PIEZO2: variants seen among roughly 807,000 people sequenced by gnomAD.
PIEZO2 encodes the protein piezo type mechanosensitive ion channel component 2.
Under a neutral mutation model 337.3 loss-of-function variants are expected in PIEZO2, and 172 were observed. That is an observed-to-expected ratio of 0.51 (90% CI 0.45 to 0.58). PIEZO2 has a LOEUF of 0.58. Among genes scored for constraint, PIEZO2 ranks in the 20% least tolerant of loss-of-function variants. The pLI, the probability that PIEZO2 is intolerant of heterozygous loss-of-function variation, is 0.00. For missense variants in PIEZO2, 3,028 were observed against 3,391.3 expected, an observed-to-expected ratio of 0.89 and a Z score of 2.66; for synonymous variants, 1,251 against 1,228.5, an observed-to-expected ratio of 1.02 and a Z score of -0.38.
At chr18:10,812,827 C>T (rs1318551449) in intron 7 of PIEZO2, among the ~76,000 whole-genome samples, 2 of 152,162 alleles carry the variant, frequency 1.3e-5, no homozygotes, top group African/African-American at 4.8e-5. Context: ...AAAACCTCCA[C>T]CTGTTTTCAG....
intron 7 of PIEZO2, among the ~76,000 whole-genome samples, chr18:10,817,936 A>G (rs1004143498): frequency 6.6e-6 from 1 of 152,046 alleles, no homozygotes; most frequent in African/African-American, 2.4e-5. Context: ...AAAAAAAAAA[A>G]AAGTAGGACT....
intron 1 of PIEZO2, among the ~76,000 whole-genome samples, chr18:11,091,567 A>G (rs9966859): frequency 0.99 from 150,771 of 152,292 alleles, 74,635 homozygotes; most frequent in East Asian, 1. Flanking sequence ...AAGTGATTGA[A>G]CAAAACGTCA....
intron 3 of PIEZO2, among the ~76,000 whole-genome samples, chr18:10,976,862 A>G (rs1309203074): frequency 6.6e-6 from 1 of 152,134 alleles, no homozygotes; most frequent in Non-Finnish European, 1.5e-5. Flanking sequence ...AGCTGTGACT[A>G]CACTTGAGAT....
intron 5 of PIEZO2, among the ~76,000 whole-genome samples, chr18:10,857,715 C>G (rs555229422): frequency 6.6e-6 from 1 of 152,264 alleles, no homozygotes; most frequent in South Asian, 2.1e-4. Flanking sequence ...TGAGTGGTCC[C>G]GGGCTTCTCT....
At chr18:10,701,906 G>T in intron 43 of PIEZO2, 83 bp downstream of exon 43, 1 of 1,249,126 alleles carries the variant, frequency 8.0e-7, no homozygotes, top group Non-Finnish European at 1.1e-6. Context: ...CAATCCTGAT[G>T]TCCAGGTTAT....
At chr18:11,067,557 T>C (rs1483126) in intron 1 of PIEZO2, among the ~76,000 whole-genome samples, 69,059 of 152,046 alleles carry the variant, frequency 0.45, 18,683 homozygotes, top group East Asian at 0.96. Flanking sequence ...AGATATTCTA[T>C]GCAAATCAAA....
chr18:10,987,555 C>A (rs909549013), intron 2 of PIEZO2, among the ~76,000 whole-genome samples: 2 of 151,720 alleles, frequency 1.3e-5, no homozygotes, highest in African/African-American at 4.9e-5. Context: ...ATACAAAAAT[C>A]AACTCAAAAT....
In PIEZO2 at chr18:10,859,723, C is replaced by A. The variant is rs2041823275; in HGVS notation, c.493-2512G>T. Among the ~76,000 whole-genome samples the A allele has an allele frequency of 6.6e-6, 1 of 152,226 alleles. No homozygotes were observed. ...GTAAAAATGCTTCCCTACCTAATTT[C>A]TCTTGAACCTACTCAAATCAGACTT... On this transcript the variant is annotated intron_variant, in intron 5 of 55. Transcript: ENST00000674853. This position sits in a 1 kb window ranked among gnomAD's most constrained non-coding sequence, Gnocchi z 4.9.
intron 13 of PIEZO2, among the ~76,000 whole-genome samples, chr18:10,792,688 G>C (rs1249066194): frequency 1.3e-5 from 2 of 152,078 alleles, no homozygotes; most frequent in African/African-American, 4.8e-5. Context: ...ATAGGCATTT[G>C]GATCATTTCT....
rs541064765 is a variant in PIEZO2, at chr18:11,016,818, C to T, written c.161-37158G>A. Among the ~76,000 whole-genome samples the T allele has an allele frequency of 6.6e-6, 1 of 152,240 alleles. No homozygotes were observed. Among genetic ancestry groups the T allele is most frequent in the East Asian group, 1.9e-4 (1 of 5,178 alleles). On this transcript the variant is annotated intron_variant, in intron 2 of 55. Transcript: ENST00000674853. This position sits in a 1 kb window ranked among gnomAD's most constrained non-coding sequence, Gnocchi z 5.6. Reference sequence around the variant, plus strand: ...TATTTAGATTTTTCTTCTTAATGCTCTTGTTGGAAAAACTCCATCCTTTTG... The same window carrying T: ...TATTTAGATTTTTCTTCTTAATGCTTTTGTTGGAAAAACTCCATCCTTTTG...
chr18:10,892,680 C>T (rs926165278), intron 4 of PIEZO2, among the ~76,000 whole-genome samples: 1 of 150,106 alleles, frequency 6.7e-6, no homozygotes, highest in African/African-American at 2.5e-5. Context: ...GGGAGAGGGG[C>T]GGGGGTGAGG....
chr18:10,977,624 A>C (rs901265322), intron 3 of PIEZO2, among the ~76,000 whole-genome samples: 4 of 152,214 alleles, frequency 2.6e-5, no homozygotes, highest in African/African-American at 9.6e-5. Flanking sequence ...TAACATAACC[A>C]AAGTACCCTT....
intron 3 of PIEZO2, among the ~76,000 whole-genome samples, chr18:10,918,957 C>T (rs948218547): frequency 2.0e-5 from 3 of 151,784 alleles, no homozygotes; most frequent in African/African-American, 7.3e-5. Flanking sequence ...GGGCAAATTC[C>T]TAGGAGTATA....
chr18:11,089,338 C>A (rs924767938), intron 1 of PIEZO2, among the ~76,000 whole-genome samples: 3 of 152,116 alleles, frequency 2.0e-5, no homozygotes, highest in African/African-American at 4.8e-5. Context: ...TCAGTTAACA[C>A]AGGCGAAATC....
At chr18:10,938,849 G>A (rs1270575651) in intron 3 of PIEZO2, among the ~76,000 whole-genome samples, 2 of 152,136 alleles carry the variant, frequency 1.3e-5, no homozygotes, top group African/African-American at 4.8e-5. Context: ...CACTTTGGGA[G>A]GCTGAGGCAG....
chr18:10,753,876 TA>T (rs2037740342), intron 27 of PIEZO2, among the ~76,000 whole-genome samples: 1 of 152,230 alleles, frequency 6.6e-6, no homozygotes, highest in South Asian at 2.1e-4. Flanking sequence ...CTAAAATACA[TA>T]AAACCCTTCC....
At chr18:11,010,314 T>G (rs2035850618) in intron 2 of PIEZO2, among the ~76,000 whole-genome samples, 1 of 152,116 alleles carries the variant, frequency 6.6e-6, no homozygotes, top group African/African-American at 2.4e-5. Flanking sequence ...AATAGCACCA[T>G]CCAAAATGCT....
At chr18:10,763,244 T>G (rs546679046) in intron 21 of PIEZO2, 146 bp from the exon 22 acceptor site, 1 of 818,098 alleles carries the variant, frequency 1.2e-6, no homozygotes, top group African/African-American at 1.7e-5. Context: ...CCCTAGGTGC[T>G]GGGGTACTAA....
At chr18:10,908,569 A>T (rs192410981) in intron 4 of PIEZO2, 10 of 152,376 alleles carry the variant, frequency 6.6e-5, no homozygotes, top group African/African-American at 2.2e-4. Flanking sequence ...AACTGTAAAT[A>T]TACAAGAACC....
Sources: allele counts gnomAD v4.1 joint callset (sites outside exome capture counted in the v4.1 genomes callset), GRCh38; gene constraint gnomAD v4.1.1; non-coding constraint Gnocchi (gnomAD v3.1); transcripts MANE v1.5; gene names NCBI Gene and HGNC (gene_info 2026-07-23, HGNC 2026-07-21).